The following CSNK2A2IP variants were observed in gnomAD, a reference collection of about 807,000 sequenced individuals.
CSNK2A2IP encodes casein kinase II subunit alpha'-interacting protein.
At chr3:88,397,796 A>G in the CSNK2A2IP span, among the ~76,000 whole-genome samples, 4 of 151,854 alleles carry the variant, frequency 2.6e-5, no homozygotes, top group African/African-American at 9.7e-5. Context: ...TCACAGTTTG[A>G]GGCATTTTAA....
the CSNK2A2IP span, among the ~76,000 whole-genome samples, chr3:88,397,085 G>T: frequency 3.3e-5 from 5 of 152,110 alleles, no homozygotes; most frequent in African/African-American, 1.2e-4. Flanking sequence ...AAGTGTGCTT[G>T]GTGCTCAGTA....
chr3:88,427,916 G>A, the CSNK2A2IP span, among the ~76,000 whole-genome samples: 18 of 152,148 alleles, frequency 1.2e-4, no homozygotes, highest in Admixed American at 3.3e-4. Context: ...GGAGCTGTGA[G>A]AGGAGGGCCA....
At chr3:88,361,302 T>C in the CSNK2A2IP span, among the ~76,000 whole-genome samples, 5 of 152,230 alleles carry the variant, frequency 3.3e-5, no homozygotes, top group Admixed American at 1.3e-4. Flanking sequence ...AGGGCTGGTT[T>C]TGGTGAAACT....
the CSNK2A2IP span, among the ~76,000 whole-genome samples, chr3:88,404,305 G>A: frequency 1.1e-4 from 17 of 152,024 alleles, no homozygotes; most frequent in Non-Finnish European, 1.8e-4. Context: ...ATTTTCCTGT[G>A]CCAACCCCGC....
At chr3:88,454,989 CT>C in the CSNK2A2IP span, among the ~76,000 whole-genome samples, 21,304 of 151,824 alleles carry the variant, frequency 0.14, 1,896 homozygotes, top group East Asian at 0.22. Context: ...GCATATTTGT[CT>C]TTCTGAGTCT....
chr3:88,445,557 A>C, the CSNK2A2IP span, among the ~76,000 whole-genome samples: 1 of 152,036 alleles, frequency 6.6e-6, no homozygotes, highest in African/African-American at 2.4e-5. Context: ...AAGATATCTT[A>C]TTATTATTTT....
At chr3:88,419,668 T>C in the CSNK2A2IP span, among the ~76,000 whole-genome samples, 7 of 152,144 alleles carry the variant, frequency 4.6e-5, no homozygotes, top group Non-Finnish European at 8.8e-5. Flanking sequence ...TCAAGTTCTT[T>C]GAGAAAAGGA....
At chr3:88,364,899 C>A in the CSNK2A2IP span, among the ~76,000 whole-genome samples, 1 of 152,094 alleles carries the variant, frequency 6.6e-6, no homozygotes, top group Non-Finnish European at 1.5e-5. Flanking sequence ...TATTTAGCAC[C>A]TACAATGTGC....
chr3:88,354,601 A>G, the CSNK2A2IP span, among the ~76,000 whole-genome samples: 3 of 152,312 alleles, frequency 2.0e-5, no homozygotes, highest in East Asian at 5.8e-4. Flanking sequence ...AGTAGGCAAG[A>G]ACTGAAAGAA....
At chr3:88,409,204 A>G in the CSNK2A2IP span, among the ~76,000 whole-genome samples, 1 of 152,082 alleles carries the variant, frequency 6.6e-6, no homozygotes, top group East Asian at 1.9e-4. Context: ...GGTCTATAAT[A>G]TGCATGAAGT....
At chr3:88,345,596 G>T in the CSNK2A2IP span, among the ~76,000 whole-genome samples, 1 of 151,816 alleles carries the variant, frequency 6.6e-6, no homozygotes, top group Non-Finnish European at 1.5e-5. Context: ...GGTGATCTGT[G>T]ATTAGGCCTC....
chr3:88,373,675 A>G, the CSNK2A2IP span, among the ~76,000 whole-genome samples: 2 of 151,130 alleles, frequency 1.3e-5, no homozygotes, highest in Non-Finnish European at 3.0e-5. Context: ...ATTTTTAGAA[A>G]TGAATAAAAT....
At chr3:88,342,377 G>A in the CSNK2A2IP span, among the ~76,000 whole-genome samples, 2 of 151,998 alleles carry the variant, frequency 1.3e-5, no homozygotes, top group Non-Finnish European at 2.9e-5. Context: ...GTAGCCAGCT[G>A]TTTGAACCAT....
chr3:88,466,378 C>A, the CSNK2A2IP span: 2 of 1,231,750 alleles, frequency 1.6e-6, no homozygotes, highest in South Asian at 4.1e-5. Context: ...ACCTGTCTGT[C>A]ACTCCAAGTT....
the CSNK2A2IP span, among the ~76,000 whole-genome samples, chr3:88,343,654 T>A: frequency 2.6e-5 from 4 of 151,984 alleles, no homozygotes; most frequent in African/African-American, 9.7e-5. Context: ...ATAAATGAAG[T>A]ACATAAGGTT....
chr3:88,400,151 G>T, the CSNK2A2IP span, among the ~76,000 whole-genome samples: 1 of 152,118 alleles, frequency 6.6e-6, no homozygotes, highest in African/African-American at 2.4e-5. Context: ...ATCTATTCAA[G>T]ATGGCATAAT....
the CSNK2A2IP span, among the ~76,000 whole-genome samples, chr3:88,444,405 A>T: frequency 3.9e-5 from 6 of 152,338 alleles, no homozygotes; most frequent in African/African-American, 1.4e-4. Flanking sequence ...TGTAATGCTT[A>T]TACTCAGCAA....
chr3:88,368,848 C>A, the CSNK2A2IP span, among the ~76,000 whole-genome samples: 1 of 151,988 alleles, frequency 6.6e-6, no homozygotes, highest in Non-Finnish European at 1.5e-5. Context: ...GTTTAGAGGG[C>A]AAGAAAGTTG....
the CSNK2A2IP span, among the ~76,000 whole-genome samples, chr3:88,430,316 A>T: frequency 6.6e-6 from 1 of 152,146 alleles, no homozygotes; most frequent in Non-Finnish European, 1.5e-5. Context: ...TATCTTCTCA[A>T]ATCTATACAT....
Sources: allele counts gnomAD v4.1 joint callset (sites outside exome capture counted in the v4.1 genomes callset), GRCh38; gene constraint gnomAD v4.1.1; transcripts MANE v1.5; gene names NCBI Gene and HGNC (gene_info 2026-07-23, HGNC 2026-07-21).